Variants in CACNA2D1 observed in about 807,000 individuals in gnomAD.
The protein encoded by CACNA2D1 is voltage-dependent calcium channel subunit alpha-2/delta-1.
A neutral mutation model predicts 171.5 loss-of-function variants in CACNA2D1; 53 were observed. That is an observed-to-expected ratio of 0.31 (90% confidence interval 0.25 to 0.39). The LOEUF is 0.39. Ranked by LOEUF, CACNA2D1 falls within the 10% of genes least tolerant of loss-of-function variation. The pLI is 1.00. For synonymous variants in CACNA2D1, 442 were observed against 443.1 expected, an observed-to-expected ratio of 1.00 and a Z score of 0.03; for missense variants, 903 against 1,299.8, an observed-to-expected ratio of 0.69 and a Z score of 4.69.
intron 10 of CACNA2D1, among the ~76,000 whole-genome samples, chr7:82,058,116 G>A (rs1049015427): frequency 2.0e-5 from 3 of 152,116 alleles, no homozygotes; most frequent in African/African-American, 7.2e-5. Context: ...ATTTGGGGCA[G>A]GTTAACTCTG....
intron 36 of CACNA2D1, among the ~76,000 whole-genome samples, chr7:81,961,317 A>T (rs1794086323): frequency 6.6e-6 from 1 of 152,018 alleles, no homozygotes; most frequent in Non-Finnish European, 1.5e-5. Flanking sequence ...AAGATATTTT[A>T]TGGATACTGA....
At chr7:82,416,726 G>C (rs941051638) in intron 1 of CACNA2D1, among the ~76,000 whole-genome samples, 13 of 152,126 alleles carry the variant, frequency 8.5e-5, no homozygotes, top group Non-Finnish European at 1.8e-4. Context: ...ATCCTAACTA[G>C]TTACATCTGC....
At chr7:82,258,455 G>C (rs1351321150) in intron 3 of CACNA2D1, among the ~76,000 whole-genome samples, 1 of 152,048 alleles carries the variant, frequency 6.6e-6, no homozygotes, top group African/African-American at 2.4e-5. Context: ...AGTATTCCTG[G>C]CAGGTCCATC....
chr7:82,269,432 C>G (rs1343563536), intron 3 of CACNA2D1, among the ~76,000 whole-genome samples: 1 of 152,164 alleles, frequency 6.6e-6, no homozygotes, highest in Non-Finnish European at 1.5e-5. Context: ...AGCCTCATGT[C>G]TCACCATTTT....
At chr7:82,005,028 A>G (rs1222723440) in intron 18 of CACNA2D1, among the ~76,000 whole-genome samples, 1 of 152,140 alleles carries the variant, frequency 6.6e-6, no homozygotes, top group African/African-American at 2.4e-5. Flanking sequence ...GTTAATTACT[A>G]GAAGAGAAGG....
intron 24 of CACNA2D1, among the ~76,000 whole-genome samples, chr7:81,981,182 G>C (rs1796409453): frequency 6.6e-6 from 1 of 152,146 alleles, no homozygotes; most frequent in African/African-American, 2.4e-5. Context: ...TGCAGTCTCA[G>C]GTAAAAAGAC....
chr7:82,312,705 T>G (rs1387259823), intron 3 of CACNA2D1, among the ~76,000 whole-genome samples: 3 of 151,716 alleles, frequency 2.0e-5, no homozygotes, highest in Non-Finnish European at 4.4e-5. Flanking sequence ...TTGTATTTTT[T>G]GCATTTTTAG....
At chr7:82,231,575 C>T (rs1318821367) in intron 3 of CACNA2D1, among the ~76,000 whole-genome samples, 1 of 151,832 alleles carries the variant, frequency 6.6e-6, no homozygotes, top group Admixed American at 6.6e-5. Context: ...TCATAAATTG[C>T]CATTAAAAAA....
chr7:82,295,705 G>A (rs150965744), intron 3 of CACNA2D1, among the ~76,000 whole-genome samples: 61 of 151,948 alleles, frequency 4.0e-4, no homozygotes, highest in Non-Finnish European at 7.5e-4. Flanking sequence ...CTATAACACA[G>A]GGCCAGTTTG....
chr7:82,016,581 C>T (rs1182554973), intron 12 of CACNA2D1, among the ~76,000 whole-genome samples: 2 of 145,112 alleles, frequency 1.4e-5, no homozygotes, highest in African/African-American at 5.2e-5. Context: ...TGTTATCATT[C>T]AAATAGTCCA....
intron 3 of CACNA2D1, among the ~76,000 whole-genome samples, chr7:82,306,544 T>G (rs1014567654): frequency 1.3e-5 from 2 of 152,200 alleles, no homozygotes; most frequent in African/African-American, 4.8e-5. Context: ...AATGGGTTAG[T>G]GACTGGCAGC....
At chr7:82,194,200 C>T (rs903279142) in intron 3 of CACNA2D1, among the ~76,000 whole-genome samples, 5 of 151,926 alleles carry the variant, frequency 3.3e-5, no homozygotes, top group South Asian at 2.1e-4. Flanking sequence ...TCAGCTGCTC[C>T]GTAGGGCTGG....
intron 1 of CACNA2D1, among the ~76,000 whole-genome samples, chr7:82,375,537 C>A (rs1002916154): frequency 6.6e-6 from 1 of 152,154 alleles, no homozygotes; most frequent in Non-Finnish European, 1.5e-5. Context: ...AGCCCCATGG[C>A]GCCTCTTTTC....
At chr7:82,091,309 A>G (rs530605399) in intron 6 of CACNA2D1, among the ~76,000 whole-genome samples, 36 of 152,316 alleles carry the variant, frequency 2.4e-4, no homozygotes, top group African/African-American at 8.7e-4. Context: ...AAGGCACACA[A>G]GGACCTTGAT....
chr7:81,984,823 G>A, intron 21 of CACNA2D1, 112 bp from the exon 22 acceptor site: 1 of 696,786 alleles, frequency 1.4e-6, no homozygotes, highest in South Asian at 1.5e-5. Flanking sequence ...TCATGGGAAG[G>A]AAAAGACATA....
At chr7:82,382,585 G>A (rs182403615) in intron 1 of CACNA2D1, among the ~76,000 whole-genome samples, 60 of 152,234 alleles carry the variant, frequency 3.9e-4, no homozygotes, top group African/African-American at 1.2e-3. Flanking sequence ...GGCAGTGGGC[G>A]GGATGGCAGT....
rs780386897 is a variant in CACNA2D1 at position 81,982,639 on chromosome 7, A to G, written c.1895-12T>C. The stretch of plus-strand genomic sequence containing the variant: ...CAGGGTTTCCGAATCTGCAAAGATA[A>G]TGTTACAGGATTAGATAGGTAATTC... On this transcript the variant is annotated splice_polypyrimidine_tract_variant and intron_variant, in intron 23 of 38. Coordinates refer to ENST00000356860, the MANE Select transcript of CACNA2D1 (RefSeq NM_000722.4). The G allele has an allele frequency of 1.3e-6, 2 of 1,535,336 alleles. No individual in the cohort carries two copies. Among genetic ancestry groups the G allele is most frequent in the South Asian group, 2.2e-5 (2 of 89,478 alleles).
At chr7:82,373,189 A>C (rs1388786002) in intron 1 of CACNA2D1, among the ~76,000 whole-genome samples, 2 of 152,216 alleles carry the variant, frequency 1.3e-5, no homozygotes, top group Admixed American at 6.5e-5. Flanking sequence ...GTCTCAAAAA[A>C]AAAATTGAGT....
At chr7:82,302,288 T>C (rs1383597978) in intron 3 of CACNA2D1, among the ~76,000 whole-genome samples, 2 of 152,196 alleles carry the variant, frequency 1.3e-5, no homozygotes, top group Non-Finnish European at 2.9e-5. Context: ...TAACCCCTAA[T>C]GTAGGCAAAG....
Sources: allele counts gnomAD v4.1 joint callset (sites outside exome capture counted in the v4.1 genomes callset), GRCh38; gene constraint gnomAD v4.1.1; transcripts MANE v1.5; gene names NCBI Gene and HGNC (gene_info 2026-07-23, HGNC 2026-07-21).